Variants in NPY4R observed in about 807,000 individuals in gnomAD.
NPY4R encodes neuropeptide Y receptor Y4, also known as neuropeptide Y receptor type 4.
Under a neutral mutation model 11.9 loss-of-function variants are expected in NPY4R, and 2 were observed. That is an observed-to-expected ratio of 0.17 (90% CI 0.07 to 0.53). The LOEUF (loss-of-function observed/expected upper bound fraction) is 0.53. Among genes scored for constraint, NPY4R ranks in the 20% least tolerant of loss-of-function variants. NPY4R has a pLI of 0.94. For synonymous variants in NPY4R, 8 were observed against 121.7 expected (o/e 0.07, Z 6.15); for missense variants, 26 against 280.2 (o/e 0.09, Z 6.48).
upstream of NPY4R, among the ~76,000 whole-genome samples, chr10:46,466,261 TTC>T (rs1841041486): frequency 9.6e-5 from 6 of 62,788 alleles, 2 homozygotes; most frequent in Non-Finnish European, 1.5e-4. Flanking sequence ...CTTTCTTTCT[TTC>T]CTTTCTTTCT....
upstream of NPY4R, among the ~76,000 whole-genome samples, chr10:46,467,641 AAAGAAAGG>A (rs1214758012): frequency 2.3e-5 from 3 of 133,142 alleles, no homozygotes; most frequent in African/African-American, 8.1e-5. Flanking sequence ...TCTGACAAAG[AAAGAAAGG>A]AAGAAAGGAA....
upstream of NPY4R, among the ~76,000 whole-genome samples, chr10:46,466,384 GTCTC>G (rs1393690246): frequency 9.8e-5 from 10 of 102,444 alleles, no homozygotes; most frequent in Non-Finnish European, 1.7e-4. Flanking sequence ...GCGTCTGCCT[GTCTC>G]TCTCTCTCTC....
At chr10:46,466,183 CTTTCTTTCTTTCTTTCTTTCTT>C (rs1228860879), upstream of NPY4R, among the ~76,000 whole-genome samples, 1,192 of 93,788 alleles carry the variant, frequency 0.013, 183 homozygotes, top group Middle Eastern at 0.029. Flanking sequence ...GTCTTTCTCT[CTTTCTTTCTTTCTTTCTTTCTT>C]TCTTTCTTTC....
chr10:46,466,181 C>CTCCCTTTCTT (rs1554991157), upstream of NPY4R, among the ~76,000 whole-genome samples: 1 of 22,302 alleles, frequency 4.5e-5, no homozygotes, highest in Non-Finnish European at 9.1e-5. Context: ...CTGTCTTTCT[C>CTCCCTTTCTT]TCTTTCTTTC....
upstream of NPY4R, among the ~76,000 whole-genome samples, chr10:46,466,181 CTCTTTCTTTCTTTCTT>C (rs1171598410): frequency 0.027 from 575 of 21,490 alleles, 18 homozygotes; most frequent in Middle Eastern, 0.045. Context: ...CTGTCTTTCT[CTCTTTCTTTCTTTCTT>C]TCTTTCTTTC....
chr10:46,466,095 G>T (rs1307621495), upstream of NPY4R, among the ~76,000 whole-genome samples: 1 of 147,408 alleles, frequency 6.8e-6, no homozygotes, highest in African/African-American at 2.5e-5. Flanking sequence ...CCCAAGGCCT[G>T]CCCGGAACTG....
Position 46,465,925 on chromosome 10 carries a change from C to T in NPY4R, c.-463G>A. On this transcript the variant is annotated 5_prime_UTR_variant, in exon 1 of 3. Coordinates refer to ENST00000374312, the MANE Select transcript of NPY4R (RefSeq NM_005972.6). Reference sequence around the variant, plus strand: ...GGCAGAGCCGCGCCTGCTTCACCTGCTCCTGCTGCCCCGATGCTGCCTGCG... The same window carrying T: ...GGCAGAGCCGCGCCTGCTTCACCTGTTCCTGCTGCCCCGATGCTGCCTGCG... The T allele has an allele frequency of 6.4e-6, 1 of 156,252 alleles. No homozygotes were observed. The highest frequency in any genetic ancestry group is 1.4e-5 in the Non-Finnish European group (1 of 71,422). The allele number at this position is 156,252 out of a possible 1,614,324, so 9.7% of individuals were successfully genotyped here.
upstream of NPY4R, among the ~76,000 whole-genome samples, chr10:46,466,228 TTTC>T (rs1841027180): frequency 7.4e-5 from 5 of 67,906 alleles, no homozygotes; most frequent in African/African-American, 1.8e-4. Flanking sequence ...TCTTTCTTTC[TTTC>T]TTTCTTTCTT....
intron 1 of NPY4R, 57 bp downstream of exon 1, chr10:46,465,620 CA>C (rs1287735697): frequency 1.2e-5 from 1 of 81,114 alleles, no homozygotes; most frequent in African/African-American, 5.1e-5. Flanking sequence ...GAAATCTCAG[CA>C]AAAGCTACTA....
upstream of NPY4R, among the ~76,000 whole-genome samples, chr10:46,466,205 TTCTTTCTTTCTTTC>T (rs1588926450): frequency 1.6e-4 from 8 of 49,696 alleles, no homozygotes; most frequent in African/African-American, 6.6e-4. Context: ...CTTTCTTTCT[TTCTTTCTTTCTTTC>T]TTTCTTTCTT....
At chr10:46,466,231 CTTTCTTTCTTT>C (rs1841028035), upstream of NPY4R, among the ~76,000 whole-genome samples, 1 of 68,308 alleles carries the variant, frequency 1.5e-5, no homozygotes, top group African/African-American at 8.6e-5. Flanking sequence ...TTCTTTCTTT[CTTTCTTTCTTT>C]CTTTCTTTCT....
At chr10:46,466,278 TTCTTTCTCTCTCTCTC>T (rs1841047604), upstream of NPY4R, among the ~76,000 whole-genome samples, 1 of 73,280 alleles carries the variant, frequency 1.4e-5, no homozygotes, top group African/African-American at 8.1e-5. Context: ...CTTTCTTTCT[TTCTTTCTCTCTCTCTC>T]TCTCTCTCCC....
chr10:46,466,239 CTTTCTTTCTTTCTTTCTTTCTTTCCTTT>C (rs1841032093), upstream of NPY4R, among the ~76,000 whole-genome samples: 4 of 69,370 alleles, frequency 5.8e-5, no homozygotes, highest in Non-Finnish European at 1.1e-4. Flanking sequence ...TTCTTTCTTT[CTTTCTTTCTTTCTTTCTTTCTTTCCTTT>C]CTTTCTTTCT....
chr10:46,463,903 A>C lies in NPY4R; in HGVS notation c.-215-18T>G, dbSNP rs1449452221. 1 of 145,398 alleles carries C rather than the reference A, an allele frequency of 6.9e-6. No homozygotes were observed. The highest frequency in any genetic ancestry group is 1.5e-5 in the Non-Finnish European group (1 of 66,956). The allele number at this position is 145,398 out of a possible 1,614,324, so 9.0% of individuals were successfully genotyped here. A position where few individuals can be genotyped will look rare whatever the true frequency, so the allele number is the denominator to read the frequency against. On this transcript the variant is annotated intron_variant, in intron 1 of 2. Coordinates refer to ENST00000374312, the MANE Select transcript of NPY4R (RefSeq NM_005972.6). ...CCAGGAATCTGTATTTAACAAGTAG[A>C]CTATGTGATTCTGATGCACATGGCC...
chr10:46,466,185 T>C (rs1311762952), upstream of NPY4R, among the ~76,000 whole-genome samples: 715 of 2,772 alleles, frequency 0.26, 33 homozygotes, highest in African/African-American at 0.39. Context: ...CTTTCTCTCT[T>C]TCTTTCTTTC....
At chr10:46,464,122 G>C (rs1840938210) in intron 1 of NPY4R, among the ~76,000 whole-genome samples, 1 of 151,364 alleles carries the variant, frequency 6.6e-6, no homozygotes, top group East Asian at 1.9e-4. Context: ...CACTTGCTGT[G>C]CATCTGATCT....
At chr10:46,466,181 C>CTCTCTCTCTT (rs1283571743), upstream of NPY4R, among the ~76,000 whole-genome samples, 1 of 22,326 alleles carries the variant, frequency 4.5e-5, no homozygotes, top group East Asian at 1.0e-3. Context: ...CTGTCTTTCT[C>CTCTCTCTCTT]TCTTTCTTTC....
upstream of NPY4R, among the ~76,000 whole-genome samples, chr10:46,467,940 T>G (rs1554991840): frequency 9.3e-6 from 1 of 107,098 alleles, no homozygotes; most frequent in Non-Finnish European, 1.9e-5. Context: ...CTAGCTCTTG[T>G]GGGTCAGAGA....
In NPY4R at chr10:46,461,248, G is replaced by A. The variant is rs1554988565; in HGVS notation, c.*260C>T. ...TGCCTGCTGCCAGCAGACATCTCCG[G>A]CTCTGGCATCTTTCAGCTCAAGCTG... On this transcript the variant is annotated 3_prime_UTR_variant, in exon 3 of 3. Coordinates refer to ENST00000374312, the MANE Select transcript of NPY4R (RefSeq NM_005972.6). The A allele has an allele frequency of 9.5e-6, 1 of 105,540 alleles. No homozygotes were observed. 6.5% of individuals were successfully genotyped at this position (105,540 alleles called of 1,614,324 possible).
Sources: allele counts gnomAD v4.1 joint callset (sites outside exome capture counted in the v4.1 genomes callset), GRCh38; gene constraint gnomAD v4.1.1; transcripts MANE v1.5; gene names NCBI Gene and HGNC (gene_info 2026-07-23, HGNC 2026-07-21).